AGMO: variants seen among roughly 807,000 people sequenced by gnomAD.
AGMO encodes the protein glyceryl-ether monooxygenase.
A neutral mutation model predicts 60.2 loss-of-function variants in AGMO; 75 were observed. That is an observed-to-expected ratio of 1.25 (90% CI 1.03 to 1.51). AGMO has a LOEUF of 1.51. Ranked by LOEUF, AGMO falls within the 40% of genes most tolerant of loss-of-function variation. The pLI is 0.00. For synonymous variants in AGMO, 261 were observed against 177.1 expected, an observed-to-expected ratio of 1.47 and a Z score of -3.76; for missense variants, 763 against 525.5, an observed-to-expected ratio of 1.45 and a Z score of -4.42.
At chr7:15,163,467 T>C in the AGMO span, among the ~76,000 whole-genome samples, 3 of 152,286 alleles carry the variant, frequency 2.0e-5, no homozygotes, top group South Asian at 2.1e-4. Context: ...TTGTCATATA[T>C]GGCTTTTATT....
intron 3 of AGMO, among the ~76,000 whole-genome samples, chr7:15,504,729 G>A (rs1391350205): frequency 4.7e-5 from 7 of 148,856 alleles, no homozygotes; most frequent in African/African-American, 1.7e-4. Flanking sequence ...TATCCAGACA[G>A]GGTTAAAAAA....
chr7:15,449,422 C>T (rs1484413030), intron 3 of AGMO, among the ~76,000 whole-genome samples: 1 of 151,978 alleles, frequency 6.6e-6, no homozygotes, highest in Non-Finnish European at 1.5e-5. Flanking sequence ...AAGGACAGAC[C>T]ACATATATCA....
chr7:15,509,070 A>T (rs1223769012), intron 3 of AGMO, among the ~76,000 whole-genome samples: 1 of 152,180 alleles, frequency 6.6e-6, no homozygotes, highest in Non-Finnish European at 1.5e-5. Flanking sequence ...GCTCACAGCT[A>T]TGCAATCAGG....
At chr7:15,560,531 A>AATATTATATTATATT (rs894462272) in intron 1 of AGMO, among the ~76,000 whole-genome samples, 1 of 152,166 alleles carries the variant, frequency 6.6e-6, no homozygotes, top group Non-Finnish European at 1.5e-5. Flanking sequence ...CGATAATTAT[A>AATATTATATTATATT]ATATTATAAG....
At chr7:15,229,672 C>T (rs934996050) in intron 12 of AGMO, among the ~76,000 whole-genome samples, 3 of 146,496 alleles carry the variant, frequency 2.0e-5, no homozygotes, top group East Asian at 2.0e-4. Context: ...TGGGAAAATG[C>T]GAAGTATACA....
At chr7:15,146,266 G>A in the AGMO span, among the ~76,000 whole-genome samples, 138 of 152,092 alleles carry the variant, frequency 9.1e-4, 2 homozygotes, top group African/African-American at 3.2e-3. Flanking sequence ...TTTTCTTATT[G>A]TAAATTTAGC....
At chr7:15,530,947 T>G (rs1412330205) in intron 3 of AGMO, among the ~76,000 whole-genome samples, 8 of 74,282 alleles carry the variant, frequency 1.1e-4, no homozygotes, top group Non-Finnish European at 1.7e-4. Context: ...CGCTCTTTTT[T>G]GAATACATAT....
chr7:15,336,111 T>C (rs937270858), intron 12 of AGMO, among the ~76,000 whole-genome samples: 5 of 152,154 alleles, frequency 3.3e-5, no homozygotes. Flanking sequence ...CTTCTATTTA[T>C]TTAAATTCTT....
At chr7:15,520,859 C>T (rs903415177) in intron 3 of AGMO, among the ~76,000 whole-genome samples, 7 of 152,034 alleles carry the variant, frequency 4.6e-5, no homozygotes, top group African/African-American at 1.4e-4. Flanking sequence ...AAGAGCAGAA[C>T]TGAAGGATAT....
At chr7:15,229,751 ATAAT>A (rs1429627512) in intron 12 of AGMO, among the ~76,000 whole-genome samples, 7 of 147,548 alleles carry the variant, frequency 4.7e-5, no homozygotes, top group East Asian at 1.9e-4. Flanking sequence ...ATATATATAA[ATAAT>A]TAGTTATATA....
At chr7:15,551,123 C>T (rs892071832) in intron 2 of AGMO, among the ~76,000 whole-genome samples, 1 of 152,164 alleles carries the variant, frequency 6.6e-6, no homozygotes, top group Non-Finnish European at 1.5e-5. Context: ...AACAATCCTT[C>T]ATGCTAAAAG....
At chr7:15,395,790 G>A (rs370394690) in intron 5 of AGMO, among the ~76,000 whole-genome samples, 49 of 152,298 alleles carry the variant, frequency 3.2e-4, no homozygotes, top group African/African-American at 1.1e-3. Flanking sequence ...AATTGCCTAA[G>A]TCTCAGACAT....
chr7:15,169,075 TG>T, the AGMO span, among the ~76,000 whole-genome samples: 28 of 152,264 alleles, frequency 1.8e-4, no homozygotes, highest in East Asian at 5.0e-3. Context: ...CATTGGTTGA[TG>T]GGGTGGAGAG....
At chr7:15,338,868 T>C (rs1781744411) in intron 12 of AGMO, among the ~76,000 whole-genome samples, 1 of 152,204 alleles carries the variant, frequency 6.6e-6, no homozygotes, top group Non-Finnish European at 1.5e-5. Flanking sequence ...TGTCTTTATA[T>C]GTTTAACTGT....
intron 3 of AGMO, among the ~76,000 whole-genome samples, chr7:15,533,960 T>G (rs1272576692): frequency 4.6e-5 from 7 of 152,068 alleles, no homozygotes; most frequent in African/African-American, 1.2e-4. Flanking sequence ...GGGGGTATTT[T>G]ATTACCAAGA....
chr7:15,450,722 G>A (rs1156250294), intron 3 of AGMO, among the ~76,000 whole-genome samples: 1 of 152,026 alleles, frequency 6.6e-6, no homozygotes, highest in East Asian at 1.9e-4. Flanking sequence ...AGCAAATAAT[G>A]TGCCCACAGA....
intron 10 of AGMO, among the ~76,000 whole-genome samples, chr7:15,380,774 T>C (rs142859698): frequency 3.9e-5 from 6 of 152,062 alleles, no homozygotes; most frequent in South Asian, 2.1e-4. Flanking sequence ...TTATCCAACT[T>C]TGAACTACAC....
At chr7:15,427,685 A>T (rs1326893470) in intron 4 of AGMO, among the ~76,000 whole-genome samples, 1 of 148,872 alleles carries the variant, frequency 6.7e-6, no homozygotes, top group East Asian at 2.0e-4. Context: ...TTTTATTATT[A>T]TCATTATTTT....
the AGMO span, among the ~76,000 whole-genome samples, chr7:15,170,143 CA>C: frequency 2.0e-5 from 3 of 152,152 alleles, no homozygotes; most frequent in South Asian, 2.1e-4. Context: ...GTCTTCTGAC[CA>C]GGGGTGAGCA....
Sources: gnomAD v4.1 joint callset for allele counts (sites outside exome capture counted in the v4.1 genomes callset) on GRCh38, gnomAD v4.1.1 for gene constraint, MANE v1.5 for transcripts, NCBI Gene and HGNC (gene_info 2026-07-23, HGNC 2026-07-21) for gene names.